TEX14: variants seen among roughly 807,000 people sequenced by gnomAD.
The protein encoded by TEX14 is testis expressed 14, intercellular bridge forming factor.
TEX14 carries 168 observed loss-of-function variants against 178.6 expected under a neutral mutation model. The observed-to-expected ratio is 0.94, with a 90% CI of 0.83 to 1.07. The LOEUF (loss-of-function observed/expected upper bound fraction) is 1.07. Among genes scored for constraint, TEX14 ranks in the 50% least tolerant of loss-of-function variants. TEX14 has a pLI of 0.00. For synonymous variants in TEX14, 626 were observed against 634.1 expected (o/e 0.99, Z 0.19); for missense variants, 1,730 against 1,753.6 (o/e 0.99, Z 0.24).
At chr17:58,605,285 C>T (rs2045580344) in intron 10 of TEX14, among the ~76,000 whole-genome samples, 156 bp from the exon 11 acceptor site, 1 of 152,210 alleles carries the variant, frequency 6.6e-6, no homozygotes, top group Admixed American at 6.5e-5. Context: ...TCTGCCACCT[C>T]CCGGGTTCAA....
intron 1 of TEX14, among the ~76,000 whole-genome samples, chr17:58,669,570 C>T (rs1364404107): frequency 6.6e-6 from 1 of 151,386 alleles, no homozygotes; most frequent in Non-Finnish European, 1.5e-5. Context: ...CCCATGTCTA[C>T]TAAAAATACA....
chr17:58,663,883 C>T (rs1401946709), intron 1 of TEX14, among the ~76,000 whole-genome samples: 1 of 152,172 alleles, frequency 6.6e-6, no homozygotes, highest in African/African-American at 2.4e-5. Context: ...AAAAACCATA[C>T]TAACTCTATT....
rs187306539 is a variant in TEX14 at position 58,651,535 on chromosome 17, G to A, written c.136+331C>T. ...AACACTGGCCTCCTTAGTCAACCACGGGTGTCAGAGAACTTAATGGATGGA... is the reference window on the plus strand; with the variant it reads ...AACACTGGCCTCCTTAGTCAACCACAGGTGTCAGAGAACTTAATGGATGGA... On this transcript the variant is annotated intron_variant, in intron 2 of 31. Transcript: ENST00000349033. 4.6e-5 allele frequency among the ~76,000 whole-genome samples: 7 copies of A among 152,252 alleles called. No homozygotes were observed. In the East Asian group the frequency reaches 9.6e-4, roughly 21 times the overall value.
intron 1 of TEX14, among the ~76,000 whole-genome samples, chr17:58,670,526 C>A (rs1247908295): frequency 6.6e-6 from 1 of 151,758 alleles, no homozygotes; most frequent in East Asian, 1.9e-4. Context: ...GTAATCCCAG[C>A]ACTTTGGGAG....
chr17:58,664,215 A>G (rs904753038), intron 1 of TEX14, among the ~76,000 whole-genome samples: 4 of 152,168 alleles, frequency 2.6e-5, no homozygotes, highest in Non-Finnish European at 4.4e-5. Context: ...AGAAGGTTTG[A>G]TTTCACATGA....
At chr17:58,588,372 C>T (rs1412601899) in intron 15 of TEX14, among the ~76,000 whole-genome samples, 1 of 152,202 alleles carries the variant, frequency 6.6e-6, no homozygotes, top group Non-Finnish European at 1.5e-5. Flanking sequence ...CAGCTCACTG[C>T]AACCTCCGCC....
At chr17:58,614,542 T>G (rs1168751952) in intron 8 of TEX14, among the ~76,000 whole-genome samples, 1 of 152,206 alleles carries the variant, frequency 6.6e-6, no homozygotes, top group South Asian at 2.1e-4. Context: ...CACCTAAGGT[T>G]GCATGCCCAA....
In TEX14 at chr17:58,587,635, A is replaced by G; in HGVS notation, c.2734T>C (p.Tyr912His). The change falls in exon 17 of 32, where the codon TAT (tyrosine) becomes CAT (histidine). Residue 912 changes from tyrosine to histidine, a missense_variant. Tyr to His is a moderately conservative substitution (Grantham distance 83, BLOSUM62 2). Coordinates refer to ENST00000349033, the MANE Select transcript of TEX14 (RefSeq NM_031272.5). ...MSVEPVSSEIYNAESRNKDDG... is the reference protein window; with the variant it reads ...MSVEPVSSEIHNAESRNKDDG... ...TCTTTATTTCTGGACTCTGCATTAT[A>G]GATTTCAGAAGAAACAGGTTCCACA... The G allele has an allele frequency of 3.7e-6, 6 of 1,606,842 alleles. No homozygotes were observed. The highest frequency in any genetic ancestry group is 4.2e-6 in the Non-Finnish European group (5 of 1,177,848).
At chr17:58,580,727 A>G (rs62083525) in intron 19 of TEX14, among the ~76,000 whole-genome samples, 28,115 of 152,130 alleles carry the variant, frequency 0.18, 2,771 homozygotes, top group Non-Finnish European at 0.21. Flanking sequence ...GCAGGGAGGT[A>G]GGGTGGAAAA....
At chr17:58,676,569 G>GAAAAC (rs1020347415) in intron 1 of TEX14, among the ~76,000 whole-genome samples, 21 of 151,934 alleles carry the variant, frequency 1.4e-4, no homozygotes, top group African/African-American at 3.9e-4. Flanking sequence ...TCAAACAAAA[G>GAAAAC]AAAACAAAAC....
At chr17:58,593,055 C>CAT (rs1418898676) in intron 15 of TEX14, among the ~76,000 whole-genome samples, 2 of 151,770 alleles carry the variant, frequency 1.3e-5, no homozygotes, top group Non-Finnish European at 2.9e-5. Context: ...TGTGTATGAA[C>CAT]ATATATACAA....
At chr17:58,660,548 C>T (rs771623736) in intron 1 of TEX14, 2 of 771,880 alleles carry the variant, frequency 2.6e-6, no homozygotes, top group Non-Finnish European at 4.8e-6. Flanking sequence ...AAGGTGTGCA[C>T]CCTGCAGTCC....
intron 28 of TEX14, 117 bp downstream of exon 28, chr17:58,564,752 G>T: frequency 1.8e-6 from 1 of 566,552 alleles, no homozygotes; most frequent in Non-Finnish European, 3.0e-6. Context: ...GGGCTATTAG[G>T]ATAGTATGAA....
chr17:58,575,224 C>A (rs1397186994), intron 21 of TEX14, among the ~76,000 whole-genome samples: 1 of 151,530 alleles, frequency 6.6e-6, no homozygotes, highest in Non-Finnish European at 1.5e-5. Context: ...AAGTGATTCT[C>A]CTGCCTCAGC....
At chr17:58,689,995 G>C (rs1445057847) in intron 1 of TEX14, among the ~76,000 whole-genome samples, 1 of 146,392 alleles carries the variant, frequency 6.8e-6, no homozygotes, top group Non-Finnish European at 1.5e-5. Flanking sequence ...GACTACAGGC[G>C]CCCACCACCG....
chr17:58,575,741 T>C (rs1217681561), intron 21 of TEX14, among the ~76,000 whole-genome samples: 1 of 152,158 alleles, frequency 6.6e-6, no homozygotes, highest in Non-Finnish European at 1.5e-5. Flanking sequence ...CTAAGTCTGA[T>C]AGAAGGCAAT....
In TEX14 at chr17:58,604,992, T is replaced by A; in HGVS notation, c.1322A>T (p.Gln441Leu). The change falls in exon 11 of 32, where the codon CAG (glutamine) becomes CTG (leucine). Residue 441 changes from glutamine (Q) to leucine (L), a missense_variant. Around this residue, in one of 2 missense-constraint regions of TEX14, gnomAD observed 789 missense variants for 681.2 expected, o/e 1.16. Transcript: ENST00000349033. ...TCTTGATCTACCTGTTAAAATCTCC[T>A]GCATGATCATAGAAAAGCTGTAGAT... Reference protein sequence around the residue: ...SDIYSFSMIMQEILTDDIPWK... With the variant: ...SDIYSFSMIMLEILTDDIPWK... The A allele has an allele frequency of 1.2e-6, 2 of 1,614,202 alleles. No individual in the cohort carries two copies. Among genetic ancestry groups the A allele is most frequent in the Non-Finnish European group, 1.7e-6 (2 of 1,180,024 alleles).
intron 8 of TEX14, among the ~76,000 whole-genome samples, chr17:58,614,545 A>G (rs1731613878): frequency 6.6e-6 from 1 of 152,220 alleles, no homozygotes; most frequent in Admixed American, 6.5e-5. Context: ...CTAAGGTTGC[A>G]TGCCCAACTC....
At chr17:58,560,711 T>A (rs1163145144) in intron 29 of TEX14, among the ~76,000 whole-genome samples, 1 of 152,236 alleles carries the variant, frequency 6.6e-6, no homozygotes, top group African/African-American at 2.4e-5. Flanking sequence ...ATGACATGGT[T>A]TCCAGACCTC....
Sources: gnomAD v4.1 joint callset for allele counts (sites outside exome capture counted in the v4.1 genomes callset) on GRCh38, gnomAD v4.1.1 for gene constraint, gnomAD v4.1.1 regional missense constraint, MANE v1.5 for transcripts, NCBI Gene and HGNC (gene_info 2026-07-23, HGNC 2026-07-21) for gene names.